CACNG2: variants seen among roughly 807,000 people sequenced by gnomAD.
CACNG2 encodes the protein calcium voltage-gated channel auxiliary subunit gamma 2.
Under a neutral mutation model 25.9 loss-of-function variants are expected in CACNG2, and 3 were observed. That is an observed-to-expected ratio of 0.12 (90% CI 0.05 to 0.30). CACNG2 has a LOEUF of 0.30. Among genes scored for constraint, CACNG2 ranks in the 10% least tolerant of loss-of-function variants. The pLI, the probability that CACNG2 is intolerant of heterozygous loss-of-function variation, is 1.00. For missense variants in CACNG2, 341 were observed against 432.5 expected (o/e 0.79, Z 1.88); for synonymous variants, 167 against 173.3 (o/e 0.96, Z 0.29).
chr22:36,597,008 A>G (rs1450920649), intron 1 of CACNG2, among the ~76,000 whole-genome samples: 1 of 150,666 alleles, frequency 6.6e-6, no homozygotes, highest in Non-Finnish European at 1.5e-5. Context: ...CTCCTCAGCC[A>G]CTCAGAGTTC....
chr22:36,665,734 AAAC>A (rs1936866445), intron 1 of CACNG2, among the ~76,000 whole-genome samples: 3 of 152,218 alleles, frequency 2.0e-5, no homozygotes, highest in Admixed American at 6.5e-5. Context: ...CAACAACAAA[AAAC>A]AAGAAAATAA....
chr22:36,664,214 A>G (rs974602609), intron 1 of CACNG2, among the ~76,000 whole-genome samples: 4 of 151,288 alleles, frequency 2.6e-5, no homozygotes, highest in Non-Finnish European at 5.9e-5. Context: ...TTAAGAGCCA[A>G]GAAGGTCAGA....
chr22:36,700,018 T>G (rs938999783), intron 1 of CACNG2, among the ~76,000 whole-genome samples: 2 of 152,252 alleles, frequency 1.3e-5, no homozygotes, highest in Non-Finnish European at 2.9e-5. Flanking sequence ...CTTCCTGCCC[T>G]GGCCATGGCT....
chr22:36,679,966 A>G (rs1334901736), intron 1 of CACNG2, among the ~76,000 whole-genome samples: 2 of 152,086 alleles, frequency 1.3e-5, no homozygotes, highest in Non-Finnish European at 2.9e-5. Context: ...CACCTGCATC[A>G]CAATCATTAT....
intron 1 of CACNG2, among the ~76,000 whole-genome samples, chr22:36,695,559 C>A (rs1198263969): frequency 1.4e-5 from 2 of 141,966 alleles, no homozygotes; most frequent in Non-Finnish European, 3.0e-5. Context: ...TCCTTCCTTG[C>A]CTATCTCTGG....
chr22:36,692,331 T>G (rs1425637481), intron 1 of CACNG2, among the ~76,000 whole-genome samples: 1 of 152,092 alleles, frequency 6.6e-6, no homozygotes, highest in Non-Finnish European at 1.5e-5. Context: ...GAATATAGTG[T>G]CAGTAAGGAA....
intron 2 of CACNG2, among the ~76,000 whole-genome samples, chr22:36,576,722 C>T (rs1935322096): frequency 6.6e-6 from 1 of 152,064 alleles, no homozygotes; most frequent in Non-Finnish European, 1.5e-5. Flanking sequence ...CCAGATGCAG[C>T]CCGCTTGGGG....
At chr22:36,628,740 G>C (rs905939723) in intron 1 of CACNG2, among the ~76,000 whole-genome samples, 15 of 152,110 alleles carry the variant, frequency 9.9e-5, no homozygotes, top group Admixed American at 2.6e-4. Context: ...GAATCCTGCT[G>C]TTCCTTCTAG....
At chr22:36,607,052 C>T (rs971173175) in intron 1 of CACNG2, among the ~76,000 whole-genome samples, 1 of 151,574 alleles carries the variant, frequency 6.6e-6, no homozygotes, top group African/African-American at 2.4e-5. Flanking sequence ...CAATGGGGAG[C>T]CACTGAGGGG....
intron 1 of CACNG2, 79 bp from the exon 2 acceptor site, chr22:36,587,627 TTCTGGC>T: frequency 4.1e-6 from 4 of 986,810 alleles, no homozygotes; most frequent in Non-Finnish European, 6.6e-6. Flanking sequence ...TCTTCCCAAC[TTCTGGC>T]TCTTTGGAAA....
chr22:36,590,958 C>T (rs1227232482), intron 1 of CACNG2, among the ~76,000 whole-genome samples: 1 of 152,112 alleles, frequency 6.6e-6, no homozygotes, highest in Non-Finnish European at 1.5e-5. Context: ...TTCTCCTAAC[C>T]TCCTTCTGCC....
chr22:36,689,274 C>T (rs1263456214), intron 1 of CACNG2, among the ~76,000 whole-genome samples: 1 of 152,192 alleles, frequency 6.6e-6, no homozygotes, highest in African/African-American at 2.4e-5. Context: ...AGGCACTGCT[C>T]TCAGTCCCTG....
intron 1 of CACNG2, among the ~76,000 whole-genome samples, chr22:36,617,893 C>T (rs1050631244): frequency 6.6e-6 from 1 of 151,956 alleles, no homozygotes; most frequent in African/African-American, 2.4e-5. Context: ...TGGTAACCAT[C>T]AACCCGAACC....
At chr22:36,579,920 C>T (rs1458577254) in intron 2 of CACNG2, among the ~76,000 whole-genome samples, 1 of 152,242 alleles carries the variant, frequency 6.6e-6, no homozygotes, top group African/African-American at 2.4e-5. Flanking sequence ...GCCCATCTCT[C>T]CTCCCTGTTT....
At chr22:36,616,153 G>C (rs1936019392) in intron 1 of CACNG2, among the ~76,000 whole-genome samples, 1 of 152,178 alleles carries the variant, frequency 6.6e-6, no homozygotes, top group Non-Finnish European at 1.5e-5. Flanking sequence ...CCTCATCTGT[G>C]ATATGGAGAT....
chr22:36,620,783 C>T (rs986486094), intron 1 of CACNG2, among the ~76,000 whole-genome samples: 1 of 152,250 alleles, frequency 6.6e-6, no homozygotes, highest in Admixed American at 6.5e-5. Flanking sequence ...GTCACATTTG[C>T]ATTATTTACC....
chr22:36,691,019 G>T (rs1937262583), intron 1 of CACNG2, among the ~76,000 whole-genome samples: 2 of 151,892 alleles, frequency 1.3e-5, no homozygotes, highest in Non-Finnish European at 2.9e-5. Context: ...AACCTCAAGT[G>T]GTCCCCTAAA....
chr22:36,651,179 GC>G (rs1381302582), intron 1 of CACNG2, among the ~76,000 whole-genome samples: 2 of 147,694 alleles, frequency 1.4e-5, no homozygotes, highest in Admixed American at 6.7e-5. Context: ...TTGGTTTAAC[GC>G]TTTGTGTTGC....
chr22:36,607,800 T>C (rs184899442), intron 1 of CACNG2, among the ~76,000 whole-genome samples: 1 of 152,260 alleles, frequency 6.6e-6, no homozygotes, highest in Admixed American at 6.5e-5. Context: ...CTAGATCCAA[T>C]CAGATCCAAA....
Sources: allele counts gnomAD v4.1 joint callset (sites outside exome capture counted in the v4.1 genomes callset), GRCh38; gene constraint gnomAD v4.1.1; transcripts MANE v1.5; gene names NCBI Gene and HGNC (gene_info 2026-07-23, HGNC 2026-07-21).